ABHD17B: variants seen among roughly 807,000 people sequenced by gnomAD.
ABHD17B encodes alpha/beta hydrolase domain-containing protein 17B.
ABHD17B carries 9 observed loss-of-function variants against 26.2 expected under a neutral mutation model. That is an observed-to-expected ratio of 0.34 (90% CI 0.21 to 0.60). The LOEUF (loss-of-function observed/expected upper bound fraction) is 0.60. Among genes scored for constraint, ABHD17B ranks in the 20% least tolerant of loss-of-function variants. ABHD17B has a pLI of 0.80. For missense variants in ABHD17B, 224 were observed against 352.1 expected (o/e 0.64, Z 2.91); for synonymous variants, 127 against 122.3 (o/e 1.04, Z -0.25).
chr9:71,864,310 C>G (rs1476223709), downstream of ABHD17B, among the ~76,000 whole-genome samples: 2 of 150,602 alleles, frequency 1.3e-5, no homozygotes, highest in Admixed American at 1.3e-4. Flanking sequence ...ACCTCCACCT[C>G]CCGGGTTCAA....
chr9:71,862,563 C>G, downstream of ABHD17B: 1 of 1,585,402 alleles, frequency 6.3e-7, no homozygotes, highest in South Asian at 1.1e-5. Flanking sequence ...TCATTGAAAA[C>G]TGTAGACCTT....
Position 71,911,180 on chromosome 9 carries a change from G to T in ABHD17B, c.-550C>A, listed in dbSNP as rs1266955724. Reference sequence around the variant, plus strand: ...GAGCACAATCCCCACTGAGCCAGGAGTTGGCCACTGACTGGAGGAAGGTGC... The same window carrying T: ...GAGCACAATCCCCACTGAGCCAGGATTTGGCCACTGACTGGAGGAAGGTGC... On this transcript the variant is annotated 5_prime_UTR_variant, in exon 1 of 4. Transcript: ENST00000333421. Among the ~76,000 whole-genome samples the T allele has an allele frequency of 2.6e-5, 4 of 152,158 alleles. No homozygotes were observed. The highest frequency in any genetic ancestry group is 5.9e-5 in the Non-Finnish European group (4 of 68,032).
intron 1 of ABHD17B, among the ~76,000 whole-genome samples, chr9:71,884,364 T>A (rs183120713): frequency 6.6e-6 from 1 of 152,266 alleles, no homozygotes; most frequent in East Asian, 1.9e-4. Flanking sequence ...GGGCCTGAGA[T>A]GCAATATAGG....
At chr9:71,902,727 C>T (rs973717677) in intron 1 of ABHD17B, among the ~76,000 whole-genome samples, 1 of 152,090 alleles carries the variant, frequency 6.6e-6, no homozygotes, top group Non-Finnish European at 1.5e-5. Flanking sequence ...GTCCACAGAG[C>T]TAGAGTGAAA....
chr9:71,897,711 T>C (rs1371807651), intron 1 of ABHD17B, among the ~76,000 whole-genome samples: 9 of 152,218 alleles, frequency 5.9e-5, no homozygotes, highest in African/African-American at 1.9e-4. Flanking sequence ...TCTCTTTACA[T>C]AGATGTTGTA....
At chr9:71,863,920 C>T (rs964093876), downstream of ABHD17B, among the ~76,000 whole-genome samples, 2 of 152,158 alleles carry the variant, frequency 1.3e-5, no homozygotes, top group African/African-American at 4.8e-5. Flanking sequence ...AATATCCTTT[C>T]ACTGCATCCT....
intron 1 of ABHD17B, among the ~76,000 whole-genome samples, chr9:71,903,632 T>C (rs1207093298): frequency 6.6e-6 from 1 of 152,222 alleles, no homozygotes; most frequent in Non-Finnish European, 1.5e-5. Context: ...AAACACTTTC[T>C]CAATAAATCT....
rs1216464020 is a variant in ABHD17B, at chr9:71,874,999, A to G, written c.82T>C (p.Phe28Leu). 1 of 1,614,138 alleles carries G rather than the reference A, an allele frequency of 6.2e-7. No homozygotes were observed. Among genetic ancestry groups the G allele is most frequent in the Non-Finnish European group, 8.5e-7 (1 of 1,180,012 alleles). The change falls in exon 2 of 4, where the codon TTT becomes CTT. Residue 28 changes from phenylalanine (F) to leucine (L), a missense_variant. By Grantham distance (22) the Phe-to-Leu change is conservative. Transcript: ENST00000333421. Reference protein sequence around the residue: ...CPGKIASKLAFLPPDPTYTLM... With the variant: ...CPGKIASKLALLPPDPTYTLM... ...GTGTAAGTTGGATCAGGTGGCAAAA[A>G]CGCTAATTTTGAAGCAATCTTCCCT...
intron 2 of ABHD17B, among the ~76,000 whole-genome samples, chr9:71,871,150 G>A (rs1410209924): frequency 6.6e-6 from 1 of 152,216 alleles, no homozygotes; most frequent in East Asian, 1.9e-4. Context: ...TTAGAAGGCA[G>A]ACAGCAGTCA....
chr9:71,868,052 CAAAAAAA>C (rs531749783), intron 3 of ABHD17B, among the ~76,000 whole-genome samples: 5 of 131,538 alleles, frequency 3.8e-5, no homozygotes, highest in African/African-American at 5.8e-5. Context: ...ACTAAAAATA[CAAAAAAA>C]AAAAAAAAAA....
At chr9:71,862,554 C>A, downstream of ABHD17B, 1 of 1,587,840 alleles carries the variant, frequency 6.3e-7, no homozygotes. Context: ...ATAGTACCGT[C>A]ATTGAAAACT....
At chr9:71,900,436 G>A (rs1001903826) in intron 1 of ABHD17B, among the ~76,000 whole-genome samples, 4 of 152,034 alleles carry the variant, frequency 2.6e-5, no homozygotes, top group African/African-American at 7.2e-5. Context: ...AGGCTGAGGC[G>A]GACAGGAGTT....
rs377764650 is a variant in ABHD17B, at chr9:71,889,248, T to C, written c.-3-14165A>G. On this transcript the variant is annotated intron_variant, in intron 1 of 3. Transcript: ENST00000333421. ...AGGTGAATCACTTGAACCTAGGAGG[T>C]ACAGGCTGCAGTGAGCCGAGATTGC... Among the ~76,000 whole-genome samples the C allele has an allele frequency of 9.5e-4, 142 of 149,918 alleles. 1 individual carries two copies. The highest frequency in any genetic ancestry group is 2.7e-3 in the African/African-American group (112 of 40,740).
intron 1 of ABHD17B, among the ~76,000 whole-genome samples, chr9:71,883,954 G>A (rs1826528869): frequency 6.6e-6 from 1 of 151,794 alleles, no homozygotes; most frequent in African/African-American, 2.4e-5. Context: ...AAAAGAAAGA[G>A]AAAAGATAAA....
At chr9:71,874,430 T>C (rs1826201231) in intron 2 of ABHD17B, among the ~76,000 whole-genome samples, 184 bp downstream of exon 2, 1 of 152,204 alleles carries the variant, frequency 6.6e-6, no homozygotes, top group African/African-American at 2.4e-5. Flanking sequence ...TTTAAAAACT[T>C]TGTTTTGCTA....
chr9:71,883,338 A>G (rs893748754), intron 1 of ABHD17B, among the ~76,000 whole-genome samples: 5 of 152,232 alleles, frequency 3.3e-5, no homozygotes, highest in African/African-American at 1.2e-4. Context: ...TAATAAAGAC[A>G]GAGTGGTGCT....
chr9:71,876,427 C>T (rs1428652706), intron 1 of ABHD17B, among the ~76,000 whole-genome samples: 2 of 152,176 alleles, frequency 1.3e-5, no homozygotes, highest in Non-Finnish European at 1.5e-5. Context: ...ATCATTGTCA[C>T]ACTTTAACTT....
At chr9:71,895,742 C>G (rs1826933706) in intron 1 of ABHD17B, among the ~76,000 whole-genome samples, 1 of 152,178 alleles carries the variant, frequency 6.6e-6, no homozygotes, top group African/African-American at 2.4e-5. Flanking sequence ...TCAGACCTGA[C>G]TTTGGACAAA....
At chr9:71,898,469 TAA>T (rs1302487869) in intron 1 of ABHD17B, among the ~76,000 whole-genome samples, 132 of 104,974 alleles carry the variant, frequency 1.3e-3, no homozygotes, top group African/African-American at 3.8e-3. Flanking sequence ...CCATCTCTAC[TAA>T]AAAAAAAAAA....
Sources: gnomAD v4.1 joint callset for allele counts (sites outside exome capture counted in the v4.1 genomes callset) on GRCh38, gnomAD v4.1.1 for gene constraint, MANE v1.5 for transcripts, NCBI Gene and HGNC (gene_info 2026-07-23, HGNC 2026-07-21) for gene names.